The following LHFPL2 variants were observed in gnomAD, a reference collection of about 807,000 sequenced individuals.
LHFPL2 encodes LHFPL tetraspan subfamily member 2 protein.
Under a neutral mutation model 17.5 loss-of-function variants are expected in LHFPL2, and 7 were observed. The ratio of observed to expected loss-of-function variants is 0.40; its 90% confidence interval spans 0.23 to 0.75. The LOEUF is 0.75. Among genes scored for constraint, LHFPL2 ranks in the 30% least tolerant of loss-of-function variants. LHFPL2 has a pLI of 0.37. For missense variants in LHFPL2, 241 were observed against 294.8 expected, an observed-to-expected ratio of 0.82 and a Z score of 1.34; for synonymous variants, 134 against 116.2, an observed-to-expected ratio of 1.15 and a Z score of -0.99.
chr5:78,582,866 G>C (rs1471494749), intron 2 of LHFPL2, among the ~76,000 whole-genome samples: 3 of 152,118 alleles, frequency 2.0e-5, no homozygotes, highest in Non-Finnish European at 4.4e-5. Flanking sequence ...TCGTTGATCT[G>C]TCCAATGTTG....
At chr5:78,520,434 T>C (rs1450127325) in intron 3 of LHFPL2, among the ~76,000 whole-genome samples, 1 of 152,208 alleles carries the variant, frequency 6.6e-6, no homozygotes, top group Non-Finnish European at 1.5e-5. Context: ...CCACTGTCAC[T>C]TTCAGCTCCA....
chr5:78,608,749 G>C (rs1744311737), intron 2 of LHFPL2, among the ~76,000 whole-genome samples: 1 of 152,064 alleles, frequency 6.6e-6, no homozygotes, highest in African/African-American at 2.4e-5. Context: ...TGGCTAACAT[G>C]GTGAAACCCC....
intron 2 of LHFPL2, among the ~76,000 whole-genome samples, chr5:78,618,736 C>A (rs1216435469): frequency 6.6e-6 from 1 of 152,136 alleles, no homozygotes; most frequent in Non-Finnish European, 1.5e-5. Context: ...AGGAGAGGGA[C>A]CCTGTTTTAA....
At chr5:78,491,897 A>AT (rs1754457781) in intron 4 of LHFPL2, among the ~76,000 whole-genome samples, 1 of 152,204 alleles carries the variant, frequency 6.6e-6, no homozygotes, top group South Asian at 2.1e-4. Context: ...GAGAGAGGAG[A>AT]TCCCCAGGCT....
intron 2 of LHFPL2, among the ~76,000 whole-genome samples, chr5:78,624,011 T>A (rs1434759741): frequency 6.6e-6 from 1 of 152,230 alleles, no homozygotes; most frequent in Non-Finnish European, 1.5e-5. Context: ...TAACGATTAA[T>A]GCCACTGTGC....
rs540156584 is a variant in LHFPL2 at position 78,550,317 on chromosome 5, G to A, written c.-186+14496C>T. On this transcript the variant is annotated intron_variant, in intron 3 of 4. Coordinates refer to ENST00000380345, the MANE Select transcript of LHFPL2 (RefSeq NM_005779.3). ...ACTAATACTCTAGTCATGAGAACAT[G>A]ATGATCCCAATAGTGGGTGAAGATT... Among the ~76,000 whole-genome samples the A allele has an allele frequency of 3.3e-5, 5 of 152,302 alleles. No homozygotes were observed. The East Asian group carries it at 9.6e-4, about 29-fold the overall frequency.
At chr5:78,495,338 C>T (rs903119612) in intron 4 of LHFPL2, among the ~76,000 whole-genome samples, 2 of 152,234 alleles carry the variant, frequency 1.3e-5, no homozygotes, top group Non-Finnish European at 2.9e-5. Context: ...CACCTGCTGG[C>T]CAATGGATGG....
intron 2 of LHFPL2, among the ~76,000 whole-genome samples, chr5:78,601,714 C>T (rs1744021025): frequency 6.6e-6 from 1 of 152,094 alleles, no homozygotes; most frequent in South Asian, 2.1e-4. Flanking sequence ...CTCATTAGGC[C>T]ATCTGCAAAC....
rs1371506346 is a variant in LHFPL2 at position 78,629,723 on chromosome 5, T to G, written c.-245+2541A>C. On this transcript the variant is annotated intron_variant, in intron 2 of 4. Transcript: ENST00000380345. ...ATGCTAATGTCACTGGAGTCCCAGA[T>G]CAGGAGACAAGCTGCTGTGTCTGCT... 2.6e-5 allele frequency among the ~76,000 whole-genome samples: 4 copies of G among 152,306 alleles called. No individual in the cohort carries two copies. In the East Asian group the frequency reaches 7.7e-4, roughly 29 times the overall value.
At chr5:78,634,269 C>T (rs1745352555) in intron 1 of LHFPL2, among the ~76,000 whole-genome samples, 1 of 152,224 alleles carries the variant, frequency 6.6e-6, no homozygotes, top group Admixed American at 6.5e-5. Context: ...GGAGATGATG[C>T]TCCACTCAGT....
chr5:78,581,588 A>G (rs561612862), intron 2 of LHFPL2, among the ~76,000 whole-genome samples: 42 of 152,320 alleles, frequency 2.8e-4, no homozygotes, highest in African/African-American at 9.9e-4. Context: ...ATGCTGGATT[A>G]CATTTATTGA....
intron 2 of LHFPL2, among the ~76,000 whole-genome samples, chr5:78,599,987 A>G (rs1276676317): frequency 2.6e-5 from 4 of 152,162 alleles, no homozygotes; most frequent in African/African-American, 9.7e-5. Flanking sequence ...TTGTAACTTT[A>G]TAGCAACTAA....
Position 78,486,510 on chromosome 5 carries a change from A to G in LHFPL2, c.*2387T>C, listed in dbSNP as rs932782209. 1 of 152,234 alleles carries G rather than the reference A, an allele frequency of 6.6e-6. No individual in the cohort carries two copies. The highest frequency in any genetic ancestry group is 2.4e-5 in the African/African-American group (1 of 41,460). The allele number at this position is 152,234 out of a possible 1,614,324, so 9.4% of individuals were successfully genotyped here. ...GCATGGTTTAGACTAGCATGATTTT[A>G]GATGGTCCTTTCATCCCAAGCCTGG... is the stretch of plus-strand genomic sequence containing the variant. On this transcript the variant is annotated 3_prime_UTR_variant, in exon 5 of 5. Coordinates refer to ENST00000380345, the MANE Select transcript of LHFPL2 (RefSeq NM_005779.3).
chr5:78,628,557 T>A (rs1745139956), intron 2 of LHFPL2, among the ~76,000 whole-genome samples: 1 of 152,048 alleles, frequency 6.6e-6, no homozygotes, highest in African/African-American at 2.4e-5. Flanking sequence ...TCACTCAGAG[T>A]ATTGGCGTCA....
intron 2 of LHFPL2, among the ~76,000 whole-genome samples, chr5:78,572,373 A>G (rs112632444): frequency 2.6e-5 from 4 of 152,052 alleles, no homozygotes; most frequent in Non-Finnish European, 5.9e-5. Context: ...TATCTGAGCT[A>G]TCTCTTCAAA....
At chr5:78,603,494 G>A (rs890621221) in intron 2 of LHFPL2, among the ~76,000 whole-genome samples, 20 of 152,150 alleles carry the variant, frequency 1.3e-4, no homozygotes, top group African/African-American at 3.9e-4. Flanking sequence ...TGAGAGCTAC[G>A]AATGAGTCCA....
chr5:78,569,531 T>G (rs1403539226), intron 2 of LHFPL2, among the ~76,000 whole-genome samples: 10 of 152,198 alleles, frequency 6.6e-5, no homozygotes, highest in Non-Finnish European at 1.5e-4. Context: ...GGTCCAGGAC[T>G]ACCTCACAAT....
intron 2 of LHFPL2, among the ~76,000 whole-genome samples, chr5:78,579,181 G>A (rs1211239055): frequency 6.6e-6 from 1 of 152,122 alleles, no homozygotes. Context: ...GGTGACCCAA[G>A]TTTAGTGATT....
At chr5:78,595,053 G>A (rs1407674077) in intron 2 of LHFPL2, among the ~76,000 whole-genome samples, 3 of 152,086 alleles carry the variant, frequency 2.0e-5, no homozygotes, top group Admixed American at 1.3e-4. Context: ...TGTGTGTTTC[G>A]AATTCACACT....
Sources: allele counts gnomAD v4.1 joint callset (sites outside exome capture counted in the v4.1 genomes callset), GRCh38; gene constraint gnomAD v4.1.1; transcripts MANE v1.5; gene names NCBI Gene and HGNC (gene_info 2026-07-23, HGNC 2026-07-21).